The following AMH variants were observed in gnomAD, a reference collection of about 807,000 sequenced individuals.
The protein encoded by AMH is anti-Mullerian hormone.
A neutral mutation model predicts 33.3 loss-of-function variants in AMH; 39 were observed. The ratio of observed to expected loss-of-function variants is 1.17; its 90% CI spans 0.91 to 1.53. The LOEUF (loss-of-function observed/expected upper bound fraction) is 1.53, where lower values mean the gene tolerates loss of function less well. Ranked by LOEUF, AMH falls within the 40% of genes most tolerant of loss-of-function variation. The pLI is 0.00. For synonymous variants in AMH, 536 were observed against 403.0 expected (o/e 1.33, Z -3.95); for missense variants, 1,019 against 799.8 (o/e 1.27, Z -3.30).
chr19:2,250,706 GC>G lies in AMH; in HGVS notation c.611del (p.Ala204GlyfsTer11). On this transcript the variant is annotated frameshift_variant, in exon 3 of 5. Coordinates refer to ENST00000221496, the MANE Select transcript of AMH (RefSeq NM_000479.5). LOFTEE classifies it high-confidence loss of function. ...RYLVLAVDRP[A>X]GAWRGSGLAL... ...CCTGGTGTTAGCGGTGGACCGCCCT[GC>G]GGGGGCCTGGCGCGGCTCCGGGCTG... is the stretch of plus-strand genomic sequence containing the variant. 1 of 1,539,094 alleles carries G rather than the reference GC, an allele frequency of 6.5e-7. No individual in the cohort carries two copies. The highest frequency in any genetic ancestry group is 8.7e-7 in the Non-Finnish European group (1 of 1,147,766).
chr19:2,249,991 C>G (rs1038081527), intron 1 of AMH: 1 of 619,556 alleles, frequency 1.6e-6, no homozygotes, highest in African/African-American at 1.8e-5. Flanking sequence ...CTTCTCCCCA[C>G]CCCTGAAGAC....
chr19:2,250,911 A>T lies in AMH; in HGVS notation c.727A>T (p.Thr243Ser), dbSNP rs771399641. Residue 243 changes from threonine to serine, a missense_variant, in exon 4 of 5, where the codon ACA becomes TCA. By Grantham distance (58) the Thr-to-Ser change is moderately conservative. Coordinates refer to ENST00000221496, the MANE Select transcript of AMH (RefSeq NM_000479.5). ...LLFGDDHRCF[T>S]RMTPALLLLP... ...GTTCGGCGACGACCACCGCTGCTTC[A>T]CACGGATGACCCCGGCCCTGCTCCT... The T allele has an allele frequency of 6.4e-7, 1 of 1,569,266 alleles. No individual in the cohort carries two copies. The highest frequency in any genetic ancestry group is 1.1e-5 in the South Asian group (1 of 87,128).
At chr19:2,249,820 G>A in intron 1 of AMH, 76 bp downstream of exon 1, 4 of 1,415,558 alleles carry the variant, frequency 2.8e-6, no homozygotes, top group Non-Finnish European at 3.7e-6. Flanking sequence ...GGAAGATCAG[G>A]GGCTGGCAGA....
At position 2,251,248 on chromosome 19, in the gene AMH, A is replaced by G. The variant is rs140765565; in HGVS notation, c.974A>G (p.Gln325Arg). The stretch of plus-strand genomic sequence containing the variant: ...CCGGACGCGCTGGCCGGCTTCCCGC[A>G]GGGCCTAGTCAACCTGTCGGACCCC... The part of the protein sequence containing the change: ...LDPDALAGFP[Q>R]GLVNLSDPAA... The change falls in exon 5 of 5, where the codon CAG becomes CGG. Residue 325 changes from glutamine (Q) to arginine (R), a missense_variant. Coordinates refer to ENST00000221496, the MANE Select transcript of AMH (RefSeq NM_000479.5). 3.2e-3 allele frequency: 4,803 copies of G among 1,503,446 alleles called. 65 individuals carry two copies. Among genetic ancestry groups the G allele is most frequent in the Middle Eastern group, 0.025 (109 of 4,322 alleles). The allele number at this position is 1,503,446 out of a possible 1,614,324, so 93.1% of individuals were successfully genotyped here. A position where few individuals can be genotyped will look rare whatever the true frequency, so the allele number is the denominator to read the frequency against.
intron 1 of AMH, 183 bp from the exon 2 acceptor site, chr19:2,250,154 C>T (rs1442199835): frequency 4.9e-6 from 5 of 1,018,960 alleles, no homozygotes; most frequent in East Asian, 5.2e-5. Context: ...CAGCCTCAGA[C>T]GCAGCCCCTG....
chr19:2,250,352 C>T lies in AMH; in HGVS notation c.428C>T (p.Thr143Ile), dbSNP rs139265145. The T allele has an allele frequency of 8.5e-3, 13,645 of 1,598,166 alleles. 87 individuals are homozygous for T. The highest frequency in any genetic ancestry group is 0.011 in the Non-Finnish European group (12,435 of 1,175,326). ...LHLEEVTWEP[T>I]PSLRFQEPPP... The stretch of plus-strand genomic sequence containing the variant: ...CCGGCTGCAGTGACCTGGGAGCCAA[C>T]ACCCTCGCTGAGGTTCCAGGAGCCC... Residue 143 changes from threonine to isoleucine, a missense_variant, in exon 2 of 5, where the codon ACA (threonine) becomes ATA (isoleucine). Coordinates refer to ENST00000221496, the MANE Select transcript of AMH (RefSeq NM_000479.5).
At position 2,250,368 on chromosome 19, in the gene AMH, C is replaced by T; in HGVS notation, c.444C>T (p.Phe148=). ...VTWEPTPSLR[F]QEPPPGGAGP... is the part of the protein sequence containing the mutation. ...GGGAGCCAACACCCTCGCTGAGGTTCCAGGAGCCCCCGCCTGGAGGAGCTG... is the reference window on the plus strand; with the variant it reads ...GGGAGCCAACACCCTCGCTGAGGTTTCAGGAGCCCCCGCCTGGAGGAGCTG... The change falls in exon 2 of 5, where the codon TTC becomes TTT. Residue 148 remains phenylalanine, a synonymous_variant. Coordinates refer to ENST00000221496, the MANE Select transcript of AMH (RefSeq NM_000479.5). 6.3e-7 allele frequency: 1 copy of T among 1,596,436 alleles called. No homozygotes were observed. The highest frequency in any genetic ancestry group is 8.5e-7 in the Non-Finnish European group (1 of 1,173,744).
chr19:2,252,020 C>T lies in AMH; in HGVS notation c.*63C>T. ...ACGCGCCCCAGCTCGCGCCCCTTCC[C>T]ATATTTATTCGGACCCCAAGCATCG... On this transcript the variant is annotated 3_prime_UTR_variant, in exon 5 of 5. Coordinates refer to ENST00000221496, the MANE Select transcript of AMH (RefSeq NM_000479.5). The T allele has an allele frequency of 6.6e-7, 1 of 1,523,218 alleles. No individual in the cohort carries two copies. The highest frequency in any genetic ancestry group is 8.8e-7 in the Non-Finnish European group (1 of 1,139,172). 94.4% of individuals were successfully genotyped at this position (1,523,218 alleles called of 1,614,324 possible).
chr19:2,249,689 G>A lies in AMH; in HGVS notation c.357G>A (p.Gly119=). 3 of 1,503,132 alleles carry A rather than the reference G, an allele frequency of 2.0e-6. No individual in the cohort carries two copies. The highest frequency in any genetic ancestry group is 2.7e-5 in the South Asian group (2 of 73,932). 93.1% of individuals were successfully genotyped at this position (1,503,132 alleles called of 1,614,324 possible). A position where few individuals can be genotyped will look rare whatever the true frequency, so the allele number is the denominator to read the frequency against. The change falls in exon 1 of 5, where the codon GGG becomes GGA. Residue 119 remains glycine, a synonymous_variant. Coordinates refer to ENST00000221496, the MANE Select transcript of AMH (RefSeq NM_000479.5). ...QAALPSLRRL[G]AWLRDPGGQR... ...CCTTGCCCTCTCTACGGCGGCTGGGGGCCTGGCTGCGGGACCCTGGGGGGC... is the reference window on the plus strand; with the variant it reads ...CCTTGCCCTCTCTACGGCGGCTGGGAGCCTGGCTGCGGGACCCTGGGGGGC...
In AMH at chr19:2,251,643, G is replaced by C; in HGVS notation, c.1369G>C (p.Ala457Pro). ...GRAQRSAGATAADGPCALREL... is the reference protein window; with the variant it reads ...GRAQRSAGATPADGPCALREL... ...GGCACAGCGCAGCGCGGGGGCCACCGCCGCCGACGGGCCGTGCGCGCTGCG... is the reference window on the plus strand; with the variant it reads ...GGCACAGCGCAGCGCGGGGGCCACCCCCGCCGACGGGCCGTGCGCGCTGCG... Residue 457 changes from alanine to proline, a missense_variant, in exon 5 of 5, where the codon GCC becomes CCC. Ala to Pro is a conservative substitution (Grantham distance 27). Transcript: ENST00000221496. 6.3e-7 allele frequency: 1 copy of C among 1,592,440 alleles called. No homozygotes were observed. The highest frequency in any genetic ancestry group is 8.5e-7 in the Non-Finnish European group (1 of 1,172,310).
At position 2,250,371 on chromosome 19, in the gene AMH, G is replaced by A; in HGVS notation, c.447G>A (p.Gln149=). The A allele has an allele frequency of 6.3e-7, 1 of 1,596,484 alleles. No homozygotes were observed. Among genetic ancestry groups the A allele is most frequent in the South Asian group, 1.1e-5 (1 of 88,354 alleles). ...TWEPTPSLRF[Q]EPPPGGAGPP... Reference sequence around the variant, plus strand: ...AGCCAACACCCTCGCTGAGGTTCCAGGAGCCCCCGCCTGGAGGAGCTGGCC... The same window carrying A: ...AGCCAACACCCTCGCTGAGGTTCCAAGAGCCCCCGCCTGGAGGAGCTGGCC... Residue 149 remains glutamine, a synonymous_variant, in exon 2 of 5, where the codon CAG becomes CAA. Transcript: ENST00000221496.
At position 2,251,315 on chromosome 19, in the gene AMH, G is replaced by T; in HGVS notation, c.1041G>T (p.Leu347=). 6.7e-7 allele frequency: 1 copy of T among 1,502,718 alleles called. No homozygotes were observed. Among genetic ancestry groups the T allele is most frequent in the Non-Finnish European group, 8.8e-7 (1 of 1,133,656 alleles). The allele number at this position is 1,502,718 out of a possible 1,614,324, so 93.1% of individuals were successfully genotyped here. Residue 347 remains leucine, a synonymous_variant, in exon 5 of 5, where the codon CTG becomes CTT. Coordinates refer to ENST00000221496, the MANE Select transcript of AMH (RefSeq NM_000479.5). ...TACTCGACGGCGAGGAGCCGCTGCT[G>T]CTGCTGCTGAGGCCCACTGCGGCCA... ...ERLLDGEEPL[L]LLLRPTAATT...
Position 2,250,645 on chromosome 19 carries a change from T to TCCGCAGAGCCTCTGCCCC in AMH, c.556-6_567dup. On this transcript the variant is annotated splice_region_variant and splice_polypyrimidine_tract_variant and intron_variant, in intron 2 of 4. Coordinates refer to ENST00000221496, the MANE Select transcript of AMH (RefSeq NM_000479.5). Reference sequence around the variant, plus strand: ...CATCCAGCCGGGCTGAGCCCTGGTCTCCGCAGAGCCTCTGCCCCTCCCGAG... The same window carrying TCCGCAGAGCCTCTGCCCC: ...CATCCAGCCGGGCTGAGCCCTGGTCTCCGCAGAGCCTCTGCCCCCCGCAGAGCCTCTGCCCCTCCCGAG... 1.9e-6 allele frequency: 3 copies of TCCGCAGAGCCTCTGCCCC among 1,538,676 alleles called. No homozygotes were observed. The highest frequency in any genetic ancestry group is 2.6e-6 in the Non-Finnish European group (3 of 1,146,764).
In AMH at chr19:2,251,606, C is replaced by A; in HGVS notation, c.1332C>A (p.Arg444=). The change falls in exon 5 of 5, where the codon CGC becomes CGA. Residue 444 remains arginine (R), a synonymous_variant. Transcript: ENST00000221496. ...TGGAGTGGCGCGGGCGGGATCCGCGCGGGCCGGGTCGGGCACAGCGCAGCG... is the reference window on the plus strand; with the variant it reads ...TGGAGTGGCGCGGGCGGGATCCGCGAGGGCCGGGTCGGGCACAGCGCAGCG... The part of the protein sequence containing the change: ...LRVEWRGRDP[R]GPGRAQRSAG... 1 of 1,307,856 alleles carries A rather than the reference C, an allele frequency of 7.6e-7. No individual in the cohort carries two copies. The highest frequency in any genetic ancestry group is 9.7e-7 in the Non-Finnish European group (1 of 1,032,782). 81.0% of individuals were successfully genotyped at this position (1,307,856 alleles called of 1,614,324 possible).
At position 2,251,286 on chromosome 19, in the gene AMH, C is replaced by A. The variant is rs1433220092; in HGVS notation, c.1012C>A (p.Arg338Ser). Residue 338 changes from arginine (R) to serine (S), a missense_variant, in exon 5 of 5, where the codon CGC (arginine) becomes AGC (serine). Physicochemically the swap from Arg to Ser is moderately radical, Grantham distance 110. Transcript: ENST00000221496. ...CCTGTCGGACCCCGCGGCGCTGGAG[C>A]GCCTACTCGACGGCGAGGAGCCGCT... ...VNLSDPAALE[R>S]LLDGEEPLLL... 8.0e-6 allele frequency: 12 copies of A among 1,503,694 alleles called. No individual in the cohort carries two copies. The highest frequency in any genetic ancestry group is 1.1e-5 in the Non-Finnish European group (12 of 1,134,108). 93.1% of individuals were successfully genotyped at this position (1,503,694 alleles called of 1,614,324 possible). A position where few individuals can be genotyped will look rare whatever the true frequency, so the allele number is the denominator to read the frequency against.
chr19:2,249,741 G>A lies in AMH; in HGVS notation c.409G>A (p.Glu137Lys), dbSNP rs946040630. ...GCGCCTGGTGGTCCTACACCTGGAG[G>A]AAGGTATGTGGGGCCCAGCCCCAAG... is the stretch of plus-strand genomic sequence containing the variant. ...GQRLVVLHLE[E>K]VTWEPTPSLR... Residue 137 changes from glutamate to lysine, a missense_variant, in exon 1 of 5, where the codon GAA (glutamate) becomes AAA (lysine). Coordinates refer to ENST00000221496, the MANE Select transcript of AMH (RefSeq NM_000479.5). The A allele has an allele frequency of 1.3e-6, 2 of 1,502,970 alleles. No individual in the cohort carries two copies. Among genetic ancestry groups the A allele is most frequent in the Non-Finnish European group, 1.8e-6 (2 of 1,131,052 alleles). The allele number at this position is 1,502,970 out of a possible 1,614,324, so 93.1% of individuals were successfully genotyped here.
rs746840034 is a variant in AMH, at chr19:2,249,509, G to A, written c.177G>A (p.Leu59=). Residue 59 remains leucine (L), a synonymous_variant, in exon 1 of 5, where the codon CTG becomes CTA. Coordinates refer to ENST00000221496, the MANE Select transcript of AMH (RefSeq NM_000479.5). ...AAGAGCCTCTGTGCCTGGTGGCACT[G>A]GGCGGGGACAGCAATGGCAGCAGCT... ...SPQEPLCLVA[L]GGDSNGSSSP... is the part of the protein sequence containing the mutation. 3.1e-6 allele frequency: 5 copies of A among 1,606,018 alleles called. No individual in the cohort carries two copies. Among genetic ancestry groups the A allele is most frequent in the East Asian group, 4.5e-5 (2 of 44,638 alleles).
Position 2,249,759 on chromosome 19 carries a change from G to C in AMH, c.412+15G>C. On this transcript the variant is annotated intron_variant, in intron 1 of 4. Transcript: ENST00000221496. ...CCTGGAGGAAGGTATGTGGGGCCCA[G>C]CCCCAAGCTTGGCACCGCCGTCTTC... is the stretch of plus-strand genomic sequence containing the variant. 6.7e-7 allele frequency: 1 copy of C among 1,493,946 alleles called. No individual in the cohort carries two copies. The allele number at this position is 1,493,946 out of a possible 1,614,324, so 92.5% of individuals were successfully genotyped here.
rs376035065 is a variant in AMH, at chr19:2,250,677, G to T, written c.581G>T (p.Arg194Leu). Reference sequence around the variant, plus strand: ...AGCCTCTGCCCCTCCCGAGACACCCGCTACCTGGTGTTAGCGGTGGACCGC... The same window carrying T: ...AGCCTCTGCCCCTCCCGAGACACCCTCTACCTGGTGTTAGCGGTGGACCGC... The part of the protein sequence containing the change: ...AQSLCPSRDT[R>L]YLVLAVDRPA... The change falls in exon 3 of 5, where the codon CGC becomes CTC. Residue 194 changes from arginine to leucine, a missense_variant. Transcript: ENST00000221496. The T allele has an allele frequency of 1.3e-6, 2 of 1,539,710 alleles. No homozygotes were observed. Among genetic ancestry groups the T allele is most frequent in the Admixed American group, 2.0e-5 (1 of 51,256 alleles).
Sources: gnomAD v4.1 joint callset for allele counts on GRCh38, gnomAD v4.1.1 for gene constraint, MANE v1.5 for transcripts, NCBI Gene and HGNC (gene_info 2026-07-23, HGNC 2026-07-21) for gene names.